Variants in ARID1A observed in about 807,000 individuals in gnomAD.
The protein encoded by ARID1A is AT-rich interaction domain 1A.
ARID1A carries 20 observed loss-of-function variants against 212.6 expected under a neutral mutation model. The observed-to-expected ratio is 0.09, with a 90% CI of 0.07 to 0.14. The LOEUF (loss-of-function observed/expected upper bound fraction) is 0.14, where lower values mean the gene tolerates loss of function less well. ARID1A is among the 10% of genes least tolerant of loss of function. ARID1A has a pLI of 1.00. For synonymous variants in ARID1A, 1,376 were observed against 1,222.1 expected (o/e 1.13, Z -2.63); for missense variants, 2,587 against 3,059.0 (o/e 0.85, Z 3.64).
chr1:26,763,503 C>A (rs1039847891), intron 8 of ARID1A, among the ~76,000 whole-genome samples: 3 of 152,140 alleles, frequency 2.0e-5, no homozygotes, highest in East Asian at 3.9e-4. Flanking sequence ...CCGGGCGTGG[C>A]GGCTCATGCC....
chr1:26,696,975 G>T lies in ARID1A; in HGVS notation c.572G>T (p.Gly191Val), dbSNP rs910687692. 2 of 1,496,468 alleles carry T rather than the reference G, an allele frequency of 1.3e-6. No individual in the cohort carries two copies. Among genetic ancestry groups the T allele is most frequent in the Non-Finnish European group, 8.9e-7 (1 of 1,127,382 alleles). The allele number at this position is 1,496,468 out of a possible 1,614,324, so 92.7% of individuals were successfully genotyped here. ...LAALQSGGGGGLEPYAGPQQN... is the reference protein window; with the variant it reads ...LAALQSGGGGVLEPYAGPQQN... ...GCGCTGCAGAGCGGCGGCGGCGGGG[G>T]CCTGGAGCCCTACGCGGGGCCCCAG... is the stretch of plus-strand genomic sequence containing the variant. Residue 191 changes from glycine to valine, a missense_variant, in exon 1 of 20, where the codon GGC becomes GTC. Transcript: ENST00000324856.
rs374635505 is a variant in ARID1A, at chr1:26,753,736, TAC to T, written c.1921-7118_1921-7117del. ...AATCTTCCCATTAAAGGGGCATTGC[TAC>T]AGTTATTTCCGCAGTCCTTCCAGAA... is the stretch of plus-strand genomic sequence containing the variant. On this transcript the variant is annotated intron_variant, in intron 4 of 19. Transcript: ENST00000324856. Among the ~76,000 whole-genome samples, 240 of 152,328 alleles carry T rather than the reference TAC, an allele frequency of 1.6e-3. 2 individuals are homozygous for T. The highest frequency in any genetic ancestry group is 4.9e-3 in the African/African-American group (204 of 41,576).
intron 1 of ARID1A, chr1:26,729,372 C>T (rs939734937): frequency 4.5e-6 from 2 of 448,524 alleles, no homozygotes; most frequent in African/African-American, 4.0e-5. Flanking sequence ...TATACCCGGC[C>T]TGTCCCTTGG....
Position 26,696,618 on chromosome 1 carries a change from A to T in ARID1A, c.215A>T (p.Glu72Val), listed in dbSNP as rs2124740775. 8.0e-7 allele frequency: 1 copy of T among 1,252,310 alleles called. No homozygotes were observed. Among genetic ancestry groups the T allele is most frequent in the Non-Finnish European group, 1.0e-6 (1 of 1,002,190 alleles). The allele number at this position is 1,252,310 out of a possible 1,614,324, so 77.6% of individuals were successfully genotyped here. The change falls in exon 1 of 20, where the codon GAG (glutamate) becomes GTG (valine). Residue 72 changes from glutamate to valine, a missense_variant. Glu to Val is a moderately radical substitution (Grantham distance 121). Around this residue, in one of 11 missense-constraint regions of ARID1A, gnomAD observed 735 missense variants for 590.6 expected, o/e 1.24. Coordinates refer to ENST00000324856, the MANE Select transcript of ARID1A (RefSeq NM_006015.6). Reference protein sequence around the residue: ...AVGPPQPLGKELQDGAESNGG... With the variant: ...AVGPPQPLGKVLQDGAESNGG... ...GGGCCGCCGCAGCCGCTGGGAAAGG[A>T]GCTGCAGGACGGGGCCGAGAGCAAT...
At chr1:26,709,135 C>T (rs2080424352) in intron 1 of ARID1A, among the ~76,000 whole-genome samples, 1 of 152,192 alleles carries the variant, frequency 6.6e-6, no homozygotes, top group African/African-American at 2.4e-5. Flanking sequence ...AGTCACTTCT[C>T]TGAATCTGTA....
intron 11 of ARID1A, 199 bp from the exon 12 acceptor site, chr1:26,770,920 C>T (rs1557613615): frequency 1.7e-6 from 1 of 591,518 alleles, no homozygotes; most frequent in Non-Finnish European, 3.0e-6. Flanking sequence ...TGCAGTGGAA[C>T]ATCCTGAGGG....
intron 2 of ARID1A, among the ~76,000 whole-genome samples, chr1:26,730,881 C>T (rs1323278263): frequency 2.0e-5 from 3 of 152,202 alleles, no homozygotes; most frequent in Non-Finnish European, 4.4e-5. Flanking sequence ...GAAACAGCTG[C>T]TCTCAAACTT....
chr1:26,757,296 T>A (rs1283908030), intron 4 of ARID1A, among the ~76,000 whole-genome samples: 1 of 146,546 alleles, frequency 6.8e-6, no homozygotes, highest in Non-Finnish European at 1.5e-5. Context: ...TGAAACCCCG[T>A]CTCTACTAAA....
chr1:26,774,734 G>T lies in ARID1A; in HGVS notation c.4507G>T (p.Asp1503Tyr). 6.2e-7 allele frequency: 1 copy of T among 1,614,272 alleles called. No homozygotes were observed. The highest frequency in any genetic ancestry group is 8.5e-7 in the Non-Finnish European group (1 of 1,180,056). ...QQGTMWQGRN[D>Y]MTYNYANRQS... is the part of the protein sequence containing the mutation. The stretch of plus-strand genomic sequence containing the variant: ...AGGCACCATGTGGCAGGGGCGTAAT[G>T]ACATGACCTATAATTATGCCAACAG... The change falls in exon 18 of 20, where the codon GAC (aspartate) becomes TAC (tyrosine). Residue 1503 changes from aspartate to tyrosine, a missense_variant. By Grantham distance (160) the Asp-to-Tyr change is radical. Around this residue, in one of 11 missense-constraint regions of ARID1A, gnomAD observed 890 missense variants for 1,098.2 expected, o/e 0.81. Coordinates refer to ENST00000324856, the MANE Select transcript of ARID1A (RefSeq NM_006015.6). This position sits in a 1 kb window ranked among gnomAD's most constrained non-coding sequence, Gnocchi z 5.6.
At chr1:26,728,587 A>G (rs1281510514) in intron 1 of ARID1A, among the ~76,000 whole-genome samples, 1 of 152,222 alleles carries the variant, frequency 6.6e-6, no homozygotes, top group African/African-American at 2.4e-5. Flanking sequence ...GCATGCTAAA[A>G]TCAATGAACC....
At position 26,774,769 on chromosome 1, in the gene ARID1A, G is replaced by A. The variant is rs560211386; in HGVS notation, c.4542G>A (p.Thr1514=). 5.9e-5 allele frequency: 96 copies of A among 1,614,230 alleles called. No individual in the cohort carries two copies. In the East Asian group the frequency reaches 1.7e-3, roughly 29 times the overall value. The part of the protein sequence containing the change: ...MTYNYANRQS[T]GSAPQGPAYH... The stretch of plus-strand genomic sequence containing the variant: ...ATAATTATGCCAACAGGCAGAGCAC[G>A]GGCTCTGCCCCCCAGGGCCCCGCCT... The change falls in exon 18 of 20, where the codon ACG becomes ACA. Residue 1514 remains threonine, a synonymous_variant. Transcript: ENST00000324856. This position sits in a 1 kb window ranked among gnomAD's most constrained non-coding sequence, Gnocchi z 5.6.
At chr1:26,757,860 G>T (rs1386762330) in intron 4 of ARID1A, among the ~76,000 whole-genome samples, 6 of 152,012 alleles carry the variant, frequency 3.9e-5, no homozygotes, top group Non-Finnish European at 7.4e-5. Flanking sequence ...GGCTGGTCTT[G>T]AACTCCTGAC....
intron 1 of ARID1A, among the ~76,000 whole-genome samples, 200 bp downstream of exon 1, chr1:26,697,740 GT>G (rs1223343179): frequency 6.6e-5 from 10 of 150,760 alleles, no homozygotes; most frequent in African/African-American, 2.2e-4. Flanking sequence ...TTTGTGTTGG[GT>G]TTTTCCAGAG....
intron 16 of ARID1A, 37 bp from the exon 17 acceptor site, chr1:26,773,765 T>C: frequency 3.7e-6 from 6 of 1,614,210 alleles, no homozygotes; most frequent in Non-Finnish European, 5.1e-6. Context: ...GCTTCGCCAC[T>C]GCCCACCCTA....
chr1:26,750,497 C>T (rs965492693), intron 4 of ARID1A, among the ~76,000 whole-genome samples: 5 of 152,106 alleles, frequency 3.3e-5, no homozygotes, highest in African/African-American at 1.2e-4. Flanking sequence ...GCCTTCCCGT[C>T]TTGTAGCTTG....
At chr1:26,756,803 C>T (rs897048794) in intron 4 of ARID1A, among the ~76,000 whole-genome samples, 3 of 151,606 alleles carry the variant, frequency 2.0e-5, no homozygotes, top group African/African-American at 4.8e-5. Flanking sequence ...TCCAGATTCA[C>T]GCCATTCTCC....
At chr1:26,712,840 C>G (rs1241504855) in intron 1 of ARID1A, among the ~76,000 whole-genome samples, 1 of 152,244 alleles carries the variant, frequency 6.6e-6, no homozygotes, top group Non-Finnish European at 1.5e-5. Context: ...GTGCTTGGCA[C>G]AGATGTGGGA....
chr1:26,771,434 G>A lies in ARID1A; in HGVS notation c.3406+108G>A. 8.0e-7 allele frequency: 1 copy of A among 1,244,920 alleles called. No individual in the cohort carries two copies. The highest frequency in any genetic ancestry group is 1.1e-6 in the Non-Finnish European group (1 of 891,034). 77.1% of individuals were successfully genotyped at this position (1,244,920 alleles called of 1,614,324 possible). A position where few individuals can be genotyped will look rare whatever the true frequency, so the allele number is the denominator to read the frequency against. On this transcript the variant is annotated intron_variant, in intron 12 of 19. Transcript: ENST00000324856. The surrounding 1 kb of genome is among the most constrained non-coding windows in gnomAD (Gnocchi z 5.4). ...ATCCAACAGGATATGCCAAGGATCTGTGCTCTGCCTTGCCCTACCACAGGG... is the reference window on the plus strand; with the variant it reads ...ATCCAACAGGATATGCCAAGGATCTATGCTCTGCCTTGCCCTACCACAGGG...
chr1:26,745,410 A>C (rs2124806471), intron 4 of ARID1A, among the ~76,000 whole-genome samples: 1 of 152,322 alleles, frequency 6.6e-6, no homozygotes, highest in South Asian at 2.1e-4. Flanking sequence ...ACTTTGATCT[A>C]ATCTCATGAG....
Sources: allele counts gnomAD v4.1 joint callset (sites outside exome capture counted in the v4.1 genomes callset), GRCh38; gene constraint gnomAD v4.1.1; regional missense constraint gnomAD v4.1.1; non-coding constraint Gnocchi (gnomAD v3.1); transcripts MANE v1.5; gene names NCBI Gene and HGNC (gene_info 2026-07-23, HGNC 2026-07-21).